The following CNTN4 variants were observed in gnomAD, a reference collection of about 807,000 sequenced individuals.
The protein encoded by CNTN4 is contactin-4.
In CNTN4, 77 loss-of-function variants were observed where a neutral mutation model predicts 122.5. The observed-to-expected ratio is 0.63, with a 90% CI of 0.52 to 0.76. CNTN4 has a LOEUF of 0.76. Ranked by LOEUF, CNTN4 falls within the 30% of genes least tolerant of loss-of-function variation. The pLI is 0.00. For missense variants in CNTN4, 1,256 were observed against 1,259.1 expected (o/e 1.00, Z 0.04); for synonymous variants, 512 against 447.0 (o/e 1.15, Z -1.83).
intron 6 of CNTN4, among the ~76,000 whole-genome samples, chr3:2,749,965 A>C (rs2090010478): frequency 6.6e-6 from 1 of 152,208 alleles, no homozygotes; most frequent in Non-Finnish European, 1.5e-5. Flanking sequence ...GAAGGAAAAA[A>C]AAATGTTGCT....
intron 10 of CNTN4, among the ~76,000 whole-genome samples, chr3:2,900,244 T>G (rs181832009): frequency 3.9e-4 from 60 of 152,324 alleles, no homozygotes; most frequent in African/African-American, 1.4e-3. Context: ...CTCACCACTT[T>G]CACACACATA....
intron 3 of CNTN4, among the ~76,000 whole-genome samples, chr3:2,473,443 A>G (rs115168625): frequency 0.016 from 2,496 of 152,246 alleles, 68 homozygotes; most frequent in African/African-American, 0.056. Flanking sequence ...GTGTACTCCA[A>G]TAATGTAGCT....
chr3:2,194,299 T>TA (rs1042937222), intron 2 of CNTN4, among the ~76,000 whole-genome samples: 6 of 151,278 alleles, frequency 4.0e-5, no homozygotes, highest in Admixed American at 1.3e-4. Context: ...TCCCATCTCT[T>TA]AAAAAAAACA....
chr3:2,623,614 G>A (rs1302071196), intron 4 of CNTN4, among the ~76,000 whole-genome samples: 2 of 152,178 alleles, frequency 1.3e-5, no homozygotes, highest in Non-Finnish European at 2.9e-5. Flanking sequence ...AGGAGAGAGG[G>A]TTGTGTGGCA....
chr3:3,030,786 C>A (rs1335689646), intron 15 of CNTN4, 69 bp from the exon 16 acceptor site: 3 of 1,536,998 alleles, frequency 2.0e-6, no homozygotes, highest in African/African-American at 1.4e-5. Flanking sequence ...GTCACCGTGT[C>A]CTTCATGTGA....
At chr3:2,328,262 C>A (rs1021673684) in intron 2 of CNTN4, among the ~76,000 whole-genome samples, 1 of 150,754 alleles carries the variant, frequency 6.6e-6, no homozygotes, top group Non-Finnish European at 1.5e-5. Context: ...AAAAATTAGC[C>A]GGGCGTGGTG....
At chr3:2,912,909 T>G (rs967427973) in intron 12 of CNTN4, among the ~76,000 whole-genome samples, 1 of 152,198 alleles carries the variant, frequency 6.6e-6, no homozygotes, top group African/African-American at 2.4e-5. Flanking sequence ...CCCAGCACTT[T>G]GGGAGGCTGA....
At chr3:2,742,521 A>G (rs1001635924) in intron 5 of CNTN4, among the ~76,000 whole-genome samples, 1 of 152,084 alleles carries the variant, frequency 6.6e-6, no homozygotes, top group African/African-American at 2.4e-5. Context: ...CTTAGTGCCA[A>G]GTTGACACCA....
At chr3:2,529,158 G>T (rs1559642380) in intron 3 of CNTN4, among the ~76,000 whole-genome samples, 1 of 151,876 alleles carries the variant, frequency 6.6e-6, no homozygotes, top group South Asian at 2.1e-4. Flanking sequence ...CTACTTCTAG[G>T]AGATCAACTT....
chr3:2,844,889 T>C (rs1314614807), intron 7 of CNTN4, among the ~76,000 whole-genome samples: 1 of 152,228 alleles, frequency 6.6e-6, no homozygotes, highest in Non-Finnish European at 1.5e-5. Context: ...GACTGTTGCC[T>C]GTGGCAAGCT....
chr3:2,903,661 T>C (rs944826960), intron 12 of CNTN4, among the ~76,000 whole-genome samples: 37 of 152,246 alleles, frequency 2.4e-4, no homozygotes, highest in African/African-American at 8.9e-4. Flanking sequence ...CAGAAAGTCA[T>C]GCTTGGGTCA....
chr3:2,999,459 G>T (rs1424569237), intron 14 of CNTN4, among the ~76,000 whole-genome samples: 2 of 152,110 alleles, frequency 1.3e-5, no homozygotes, highest in African/African-American at 4.8e-5. Flanking sequence ...TGGGTAACTT[G>T]TGAACAATAG....
intron 7 of CNTN4, among the ~76,000 whole-genome samples, chr3:2,834,174 A>T (rs1485196027): frequency 1.3e-5 from 2 of 151,962 alleles, no homozygotes; most frequent in African/African-American, 2.4e-5. Context: ...TAATAATTAA[A>T]AACATATCAC....
chr3:2,906,368 G>A (rs1410376086), intron 12 of CNTN4, among the ~76,000 whole-genome samples: 4 of 151,860 alleles, frequency 2.6e-5, no homozygotes, highest in African/African-American at 4.8e-5. Flanking sequence ...AATTATATAA[G>A]GTAATTTATG....
chr3:2,813,051 A>G (rs1182320872), intron 6 of CNTN4, among the ~76,000 whole-genome samples: 3 of 152,174 alleles, frequency 2.0e-5, no homozygotes, highest in Non-Finnish European at 4.4e-5. Flanking sequence ...ATTTCGATTT[A>G]TTTTCACTAC....
chr3:2,412,254 CTT>C (rs765865403), intron 3 of CNTN4, among the ~76,000 whole-genome samples: 18 of 145,608 alleles, frequency 1.2e-4, no homozygotes, highest in Admixed American at 1.4e-4. Context: ...TTTACAAATA[CTT>C]TTTTTTTTTT....
intron 6 of CNTN4, among the ~76,000 whole-genome samples, chr3:2,770,144 C>T (rs1478494084): frequency 2.0e-5 from 3 of 152,054 alleles, no homozygotes; most frequent in African/African-American, 7.3e-5. Flanking sequence ...ATTCTACTGC[C>T]TCAGCCTCCC....
intron 16 of CNTN4, 84 bp from the exon 17 acceptor site, chr3:3,034,548 T>A: frequency 1.5e-6 from 2 of 1,345,582 alleles, no homozygotes. Flanking sequence ...AATGAATGGG[T>A]CAATGCCCCA....
rs543783685 is a variant in CNTN4, at chr3:2,438,576, G to T, written c.-89+99343G>T. 7.4e-4 allele frequency among the ~76,000 whole-genome samples: 113 copies of T among 152,268 alleles called. 1 individual carries two copies. The Middle Eastern group carries it at 0.017, about 23-fold the overall frequency. On this transcript the variant is annotated intron_variant, in intron 3 of 24. Coordinates refer to ENST00000418658, the MANE Select transcript of CNTN4 (RefSeq NM_175607.3). ...TGTTTATTCATTTACTTATTTGTTT[G>T]TTTACTTTGTAGCAGGCCCAAACAA...
Sources: allele counts gnomAD v4.1 joint callset (sites outside exome capture counted in the v4.1 genomes callset), GRCh38; gene constraint gnomAD v4.1.1; transcripts MANE v1.5; gene names NCBI Gene and HGNC (gene_info 2026-07-23, HGNC 2026-07-21).